ANKMY1: variants seen among roughly 807,000 people sequenced by gnomAD.
The protein encoded by ANKMY1 is ankyrin repeat and MYND domain containing 1.
Under a neutral mutation model 102.0 loss-of-function variants are expected in ANKMY1, and 98 were observed. That is an observed-to-expected ratio of 0.96 (90% CI 0.82 to 1.14). The LOEUF is 1.14. ANKMY1 is among the 50% of genes most tolerant of loss of function. ANKMY1 has a pLI of 0.00. For synonymous variants in ANKMY1, 582 were observed against 559.9 expected (o/e 1.04, Z -0.56); for missense variants, 1,330 against 1,347.6 (o/e 0.99, Z 0.20).
rs764690820 is a variant in ANKMY1 at position 240,480,946 on chromosome 2, C to A, written c.3037G>T (p.Val1013Leu). 2 of 1,607,654 alleles carry A rather than the reference C, an allele frequency of 1.2e-6. No individual in the cohort carries two copies. Among genetic ancestry groups the A allele is most frequent in the Non-Finnish European group, 1.7e-6 (2 of 1,174,760 alleles). ...CTGAGGGCCGACCTACCGATGGCCA[C>A]CAGGTCCCCGCAGTCCTTCTTGTGG... Reference protein sequence around the residue: ...EFHKKDCGDLVAIVTQLEQVS... With the variant: ...EFHKKDCGDLLAIVTQLEQVS... The change falls in exon 17 of 18, where the codon GTG (valine) becomes TTG (leucine). Residue 1013 changes from valine (V) to leucine (L), a missense_variant. By Grantham distance (32) the Val-to-Leu change is conservative. Coordinates refer to ENST00000401804, the MANE Select transcript of ANKMY1 (RefSeq NM_001282771.3).
chr2:240,473,123 T>TAAAAAAAAAAA, the ANKMY1 span, among the ~76,000 whole-genome samples: 7 of 108,418 alleles, frequency 6.5e-5, no homozygotes, highest in Non-Finnish European at 8.7e-5. Context: ...AAACTCTGTC[T>TAAAAAAAAAAA]AAAAAAAAAA....
chr2:240,531,924 T>C (rs2085489165), intron 4 of ANKMY1, among the ~76,000 whole-genome samples: 1 of 152,048 alleles, frequency 6.6e-6, no homozygotes, highest in African/African-American at 2.4e-5. Context: ...ATGGAAAAAA[T>C]ACTAAGAAAA....
Position 240,554,859 on chromosome 2 carries a change from C to CT in ANKMY1, c.336+6_336+7insA, listed in dbSNP as rs760882310. ...GGAGGAGGCGGAGAAAGTGTGGAAGCAGTTACCTCGCCTGTGGGCCAAGAG... is the reference window on the plus strand; with the variant it reads ...GGAGGAGGCGGAGAAAGTGTGGAAGCTAGTTACCTCGCCTGTGGGCCAAGAG... On this transcript the variant is annotated splice_region_variant and intron_variant, in intron 3 of 17. Transcript: ENST00000401804. 8.7e-6 allele frequency: 14 copies of CT among 1,613,830 alleles called. No individual in the cohort carries two copies. The highest frequency in any genetic ancestry group is 1.1e-5 in the Non-Finnish European group (13 of 1,179,866).
rs764962264 is a variant in ANKMY1, at chr2:240,481,028, G to A, written c.2955C>T (p.Arg985=). Residue 985 remains arginine, a synonymous_variant, in exon 17 of 18, where the codon CGC becomes CGT. Transcript: ENST00000401804. ...SIGVRLLPCP[R]CYGILTCSKY... is the part of the protein sequence containing the mutation. ...TGCTGCAGGTCAGGATCCCGTAGCAGCGAGGGCAGGGCAAGAGGCGGACCC... is the reference window on the plus strand; with the variant it reads ...TGCTGCAGGTCAGGATCCCGTAGCAACGAGGGCAGGGCAAGAGGCGGACCC... 1 of 1,614,014 alleles carries A rather than the reference G, an allele frequency of 6.2e-7. No homozygotes were observed. The highest frequency in any genetic ancestry group is 2.2e-5 in the East Asian group (1 of 44,868).
chr2:240,489,254 G>A (rs948779959), intron 15 of ANKMY1, among the ~76,000 whole-genome samples: 65 of 152,180 alleles, frequency 4.3e-4, no homozygotes, highest in Non-Finnish European at 8.8e-4. Context: ...AGGAGTTCGA[G>A]ACTAGCCTGG....
Position 240,526,364 on chromosome 2 carries a change from T to C in ANKMY1, c.1035A>G (p.Lys345=), listed in dbSNP as rs2083400488. The C allele has an allele frequency of 1.9e-6, 3 of 1,614,246 alleles. No individual in the cohort carries two copies. Among genetic ancestry groups the C allele is most frequent in the East Asian group, 2.2e-5 (1 of 44,880 alleles). The change falls in exon 6 of 18, where the codon AAA becomes AAG. Residue 345 remains lysine (K), a synonymous_variant. Transcript: ENST00000401804. ...KRSGFAPCGP[K]EQLSMEMILK... ...GGATCATCTCCATGGAAAGTTGCTC[T>C]TTGGGCCCACAGGGTGCAAAGCCAC... is the stretch of plus-strand genomic sequence containing the variant.
rs1360621430 is a variant in ANKMY1, at chr2:240,480,945, A to T, written c.3038T>A (p.Val1013Glu). The change falls in exon 17 of 18, where the codon GTG becomes GAG. Residue 1013 changes from valine to glutamate, a missense_variant. By Grantham distance (121) the Val-to-Glu change is moderately radical. Transcript: ENST00000401804. Reference protein sequence around the residue: ...EFHKKDCGDLVAIVTQLEQVS... With the variant: ...EFHKKDCGDLEAIVTQLEQVS... Reference sequence around the variant, plus strand: ...CCTGAGGGCCGACCTACCGATGGCCACCAGGTCCCCGCAGTCCTTCTTGTG... The same window carrying T: ...CCTGAGGGCCGACCTACCGATGGCCTCCAGGTCCCCGCAGTCCTTCTTGTG... 3.1e-6 allele frequency: 5 copies of T among 1,607,040 alleles called. No homozygotes were observed. The Admixed American group carries it at 8.4e-5, about 27-fold the overall frequency.
chr2:240,518,797 CT>C (rs2081618211), intron 9 of ANKMY1, among the ~76,000 whole-genome samples: 1 of 152,112 alleles, frequency 6.6e-6, no homozygotes. Flanking sequence ...ATCAGTAAAC[CT>C]AAAAAGGTAT....
chr2:240,495,877 C>T (rs1179939525), intron 15 of ANKMY1, among the ~76,000 whole-genome samples: 1 of 152,184 alleles, frequency 6.6e-6, no homozygotes, highest in Non-Finnish European at 1.5e-5. Context: ...CCGAACCCAG[C>T]CAGAGAGGCT....
intron 4 of ANKMY1, among the ~76,000 whole-genome samples, chr2:240,530,081 C>T (rs929132996): frequency 3.9e-5 from 6 of 152,148 alleles, no homozygotes; most frequent in Non-Finnish European, 7.4e-5. Context: ...ATCCTTGCTT[C>T]CAGGAACCCA....
chr2:240,511,802 G>A, intron 11 of ANKMY1, 59 bp downstream of exon 11: 1 of 1,512,512 alleles, frequency 6.6e-7, no homozygotes, highest in Admixed American at 2.3e-5. Context: ...ACAAGGCCCT[G>A]GAAGGTGGCC....
Position 240,511,939 on chromosome 2 carries a change from G to A in ANKMY1, c.2208C>T (p.Tyr736=), listed in dbSNP as rs2080274112. 3.2e-6 allele frequency: 5 copies of A among 1,573,010 alleles called. No individual in the cohort carries two copies. In the South Asian group the frequency reaches 4.6e-5, roughly 14 times the overall value. ...SNEPGPPQAY[Y]STDTALPEEG... is the part of the protein sequence containing the mutation. The stretch of plus-strand genomic sequence containing the variant: ...CCTCCGGGAGGGCTGTGTCCGTGCT[G>A]TAGTAGGCTTGGGGAGGGCCTGGCT... Residue 736 remains tyrosine (Y), a synonymous_variant, in exon 11 of 18, where the codon TAC becomes TAT. Coordinates refer to ENST00000401804, the MANE Select transcript of ANKMY1 (RefSeq NM_001282771.3).
chr2:240,526,663 A>T (rs2083488982), intron 5 of ANKMY1: 1 of 1,430,710 alleles, frequency 7.0e-7, no homozygotes, highest in African/African-American at 1.4e-5. Context: ...CTGGAGGTCA[A>T]GATGCTTGGG....
Position 240,506,361 on chromosome 2 carries a change from G to A in ANKMY1, c.2526+1199C>T, listed in dbSNP as rs946860876. Reference sequence around the variant, plus strand: ...ATTAGGGGGCCCCTCCCAGCCCCCAGGTCCAGAAATGGTGCCGACTACCCA... The same window carrying A: ...ATTAGGGGGCCCCTCCCAGCCCCCAAGTCCAGAAATGGTGCCGACTACCCA... On this transcript the variant is annotated intron_variant, in intron 13 of 17. Coordinates refer to ENST00000401804, the MANE Select transcript of ANKMY1 (RefSeq NM_001282771.3). This position sits in a 1 kb window ranked among gnomAD's most constrained non-coding sequence, Gnocchi z 4.9. Among the ~76,000 whole-genome samples, 5 of 152,138 alleles carry A rather than the reference G, an allele frequency of 3.3e-5. No individual in the cohort carries two copies. The highest frequency in any genetic ancestry group is 2.0e-4 in the Admixed American group (3 of 15,278).
chr2:240,477,962 T>C (rs59151653), downstream of ANKMY1, among the ~76,000 whole-genome samples: 15,630 of 152,112 alleles, frequency 0.1, 1,021 homozygotes, highest in African/African-American at 0.19. Context: ...TGGATCTATG[T>C]CTCTGCCCAA....
intron 15 of ANKMY1, among the ~76,000 whole-genome samples, chr2:240,494,120 G>C (rs2076962300): frequency 6.6e-6 from 1 of 152,058 alleles, no homozygotes; most frequent in East Asian, 1.9e-4. Context: ...AAGCCAGGCT[G>C]GGTGGGCTTG....
chr2:240,500,175 C>T, intron 14 of ANKMY1, 52 bp from the exon 15 acceptor site: 2 of 1,509,174 alleles, frequency 1.3e-6, no homozygotes, highest in Non-Finnish European at 1.8e-6. Flanking sequence ...CCCCTCACTG[C>T]TGGGGTGACT....
rs1355888322 is a variant in ANKMY1 at position 240,526,429 on chromosome 2, T to C, written c.970A>G (p.Thr324Ala). 1.9e-6 allele frequency: 3 copies of C among 1,614,126 alleles called. No homozygotes were observed. The highest frequency in any genetic ancestry group is 2.2e-5 in the East Asian group (1 of 44,884). ...AGGATGGCGCCCATGTTCCAGCTGG[T>C]GTGAGCTGGCTTGTTCCTGGCAACA... ...TYKFRNKPAH[T>A]SWNMGAILEG... is the part of the protein sequence containing the mutation. The change falls in exon 6 of 18, where the codon ACC becomes GCC. Residue 324 changes from threonine to alanine, a missense_variant. By Grantham distance (58) the Thr-to-Ala change is moderately conservative. Transcript: ENST00000401804.
In ANKMY1 at chr2:240,529,328, A is replaced by G; in HGVS notation, c.662T>C (p.Ile221Thr). The G allele has an allele frequency of 6.2e-7, 1 of 1,614,166 alleles. No individual in the cohort carries two copies. Among genetic ancestry groups the G allele is most frequent in the Non-Finnish European group, 8.5e-7 (1 of 1,180,038 alleles). The change falls in exon 5 of 18, where the codon ATC (isoleucine) becomes ACC (threonine). Residue 221 changes from isoleucine to threonine, a missense_variant. Coordinates refer to ENST00000401804, the MANE Select transcript of ANKMY1 (RefSeq NM_001282771.3). This position sits in a 1 kb window ranked among gnomAD's most constrained non-coding sequence, Gnocchi z 4.2. ...SSFITHSPARISLSEEEKTEW... is the reference protein window; with the variant it reads ...SSFITHSPARTSLSEEEKTEW... The stretch of plus-strand genomic sequence containing the variant: ...CGTTTTCTCCTCTTCTGAGAGGCTG[A>G]TCCTGGCAGGGCTGTGGGTGATGAA...
Sources: gnomAD v4.1 joint callset for allele counts (sites outside exome capture counted in the v4.1 genomes callset) on GRCh38, gnomAD v4.1.1 for gene constraint, Gnocchi (gnomAD v3.1) non-coding constraint, MANE v1.5 for transcripts, NCBI Gene and HGNC (gene_info 2026-07-23, HGNC 2026-07-21) for gene names.